Variants in VPS13C observed in about 807,000 individuals in gnomAD.
The protein encoded by VPS13C is intermembrane lipid transfer protein VPS13C.
VPS13C carries 358 observed loss-of-function variants against 456.8 expected under a neutral mutation model. The observed-to-expected ratio is 0.78, with a 90% confidence interval of 0.72 to 0.86. The LOEUF (loss-of-function observed/expected upper bound fraction) is 0.86. VPS13C is among the 40% of genes least tolerant of loss of function. VPS13C has a pLI of 0.00. For synonymous variants in VPS13C, 1,578 were observed against 1,486.7 expected (o/e 1.06, Z -1.41); for missense variants, 4,818 against 4,385.4 (o/e 1.10, Z -2.79).
chr15:61,945,980 A>G, intron 44 of VPS13C, 98 bp from the exon 45 acceptor site: 3 of 1,053,522 alleles, frequency 2.8e-6, no homozygotes, highest in Non-Finnish European at 3.9e-6. Flanking sequence ...ATCCTTGATA[A>G]GTAGAAATAT....
intron 20 of VPS13C, 66 bp downstream of exon 20, chr15:61,983,754 T>G (rs1375859761): frequency 1.3e-6 from 2 of 1,487,902 alleles, no homozygotes; most frequent in African/African-American, 1.4e-5. Context: ...AGAGGAGAAA[T>G]AAGAAAACAG....
At chr15:61,933,456 T>TA (rs1362366055) in intron 49 of VPS13C, among the ~76,000 whole-genome samples, 1 of 152,162 alleles carries the variant, frequency 6.6e-6, no homozygotes, top group Non-Finnish European at 1.5e-5. Flanking sequence ...CATTAACAGA[T>TA]ATAATACCCA....
intron 3 of VPS13C, among the ~76,000 whole-genome samples, 180 bp downstream of exon 3, chr15:62,041,144 A>T (rs2048228247): frequency 6.6e-6 from 1 of 152,188 alleles, no homozygotes; most frequent in African/African-American, 2.4e-5. Context: ...TCATAAAAAA[A>T]AGAAGTATGT....
chr15:61,856,650 A>C (rs1893922433), intron 82 of VPS13C: 1 of 317,298 alleles, frequency 3.2e-6, no homozygotes, highest in Non-Finnish European at 5.7e-6. Context: ...ATCTTGCAGA[A>C]TTCAGAAAAG....
rs1203497881 is a variant in VPS13C at position 61,922,663 on chromosome 15, T to G, written c.6709A>C (p.Asn2237His). ...GSKDTSKEMENLWGIKSINDY... is the reference protein window; with the variant it reads ...GSKDTSKEMEHLWGIKSINDY... ...TTAATCGATTTGATACCCCAAAGAT[T>G]TTCCATTTCCTTAGACGTATCTTTG... is the stretch of plus-strand genomic sequence containing the variant. The change falls in exon 54 of 85, where the codon AAT (asparagine) becomes CAT (histidine). Residue 2237 changes from asparagine (N) to histidine (H), a missense_variant. By Grantham distance (68) the Asn-to-His change is moderately conservative (BLOSUM62 1). Around this residue, in one of 3 missense-constraint regions of VPS13C, gnomAD observed 4,552 missense variants for 4,130.6 expected, o/e 1.10. Transcript: ENST00000644861. 1 of 1,614,062 alleles carries G rather than the reference T, an allele frequency of 6.2e-7. No homozygotes were observed. Among genetic ancestry groups the G allele is most frequent in the East Asian group, 2.2e-5 (1 of 44,870 alleles).
At position 62,060,433 on chromosome 15, in the gene VPS13C, T is replaced by G. The variant is rs1388771624; in HGVS notation, c.-59A>C. ...GGAACCGCCCGGCGCAGCTGAGGGC[T>G]GCGACCAGCGCTGCAAATGACAGCC... On this transcript the variant is annotated 5_prime_UTR_variant, in exon 1 of 85. Transcript: ENST00000644861. The G allele has an allele frequency of 2.8e-4, 251 of 886,940 alleles. No homozygotes were observed. Among genetic ancestry groups the G allele is most frequent in the Non-Finnish European group, 4.4e-5 (25 of 569,224 alleles). 54.9% of individuals were successfully genotyped at this position (886,940 alleles called of 1,614,324 possible).
intron 1 of VPS13C, among the ~76,000 whole-genome samples, chr15:62,047,856 G>C (rs969842075): frequency 6.6e-6 from 1 of 152,112 alleles, no homozygotes; most frequent in African/African-American, 2.4e-5. Context: ...GATTAAACCA[G>C]ATCTCCCCTA....
At chr15:61,944,155 C>T (rs896916174) in intron 45 of VPS13C, among the ~76,000 whole-genome samples, 1 of 152,074 alleles carries the variant, frequency 6.6e-6, no homozygotes, top group Non-Finnish European at 1.5e-5. Context: ...GCTAGGGAGA[C>T]TGCAGAGAGA....
At chr15:62,007,080 A>G (rs2046876130) in intron 15 of VPS13C, among the ~76,000 whole-genome samples, 1 of 152,132 alleles carries the variant, frequency 6.6e-6, no homozygotes, top group Non-Finnish European at 1.5e-5. Flanking sequence ...CTTTCCCCAA[A>G]TTGTTTACAG....
At chr15:61,991,938 T>C (rs562906149) in intron 16 of VPS13C, 136 bp from the exon 17 acceptor site, 187 of 949,630 alleles carry the variant, frequency 2.0e-4, no homozygotes, top group Non-Finnish European at 2.4e-4. Flanking sequence ...AGATCTTAAA[T>C]GATGCTCACA....
chr15:61,889,874 AAC>A (rs10689074), intron 67 of VPS13C, among the ~76,000 whole-genome samples: 18 of 150,642 alleles, frequency 1.2e-4, no homozygotes, highest in Admixed American at 2.0e-4. Context: ...TAACTCATTA[AAC>A]ACACACACAC....
intron 49 of VPS13C, 28 bp from the exon 50 acceptor site, chr15:61,931,287 T>C: frequency 6.3e-7 from 1 of 1,584,684 alleles, no homozygotes; most frequent in Non-Finnish European, 8.6e-7. Flanking sequence ...AGCAAAAGAA[T>C]CAATTACCTT....
chr15:61,953,553 A>C (rs1254479697), intron 38 of VPS13C, among the ~76,000 whole-genome samples: 1 of 151,860 alleles, frequency 6.6e-6, no homozygotes, highest in East Asian at 1.9e-4. Context: ...CCATGTCCCT[A>C]AAAAGGACAT....
At chr15:62,058,050 G>C (rs78836795) in intron 1 of VPS13C, among the ~76,000 whole-genome samples, 1 of 152,140 alleles carries the variant, frequency 6.6e-6, no homozygotes, top group Non-Finnish European at 1.5e-5. Context: ...TTACATGAAA[G>C]TATTATATCA....
chr15:62,039,486 T>G (rs1176103105), intron 3 of VPS13C, among the ~76,000 whole-genome samples: 2 of 151,102 alleles, frequency 1.3e-5, no homozygotes, highest in Non-Finnish European at 3.0e-5. Flanking sequence ...AACCAGAATA[T>G]ATAAGGAACT....
intron 9 of VPS13C, 73 bp downstream of exon 9, chr15:62,020,406 A>T: frequency 7.5e-7 from 1 of 1,324,830 alleles, no homozygotes; most frequent in Non-Finnish European, 1.0e-6. Flanking sequence ...AGTTGATTCT[A>T]GACAATTTAC....
chr15:62,043,923 A>G (rs2048320201), intron 2 of VPS13C, among the ~76,000 whole-genome samples: 2 of 152,194 alleles, frequency 1.3e-5, no homozygotes, highest in South Asian at 4.1e-4. Flanking sequence ...ACGTAAAGAC[A>G]CTAGTGAAGG....
chr15:62,021,660 C>A (rs1482849577), intron 8 of VPS13C, among the ~76,000 whole-genome samples: 1 of 151,814 alleles, frequency 6.6e-6, no homozygotes, highest in Non-Finnish European at 1.5e-5. Flanking sequence ...ATACAATTTT[C>A]TAAATGGAAA....
At position 62,041,354 on chromosome 15, in the gene VPS13C, C is replaced by T. The variant is rs893617553; in HGVS notation, c.157G>A (p.Val53Ile). The T allele has an allele frequency of 6.2e-7, 1 of 1,605,728 alleles. No individual in the cohort carries two copies. Among genetic ancestry groups the T allele is most frequent in the Non-Finnish European group, 8.5e-7 (1 of 1,178,002 alleles). The stretch of plus-strand genomic sequence containing the variant: ...TGGCCAGCCTTGACTTTAAAAGGAA[C>T]ATCCAATTCACTCTTCAGAAGAAAG... The part of the protein sequence containing the change: ...IKENALSELD[V>I]PFKVKAGQID... The change falls in exon 3 of 85, where the codon GTT (valine) becomes ATT (isoleucine). Residue 53 changes from valine (V) to isoleucine (I), a missense_variant. Physicochemically the swap from Val to Ile is conservative, Grantham distance 29. Coordinates refer to ENST00000644861, the MANE Select transcript of VPS13C (RefSeq NM_020821.3).
Sources: gnomAD v4.1 joint callset for allele counts (sites outside exome capture counted in the v4.1 genomes callset) on GRCh38, gnomAD v4.1.1 for gene constraint, gnomAD v4.1.1 regional missense constraint, MANE v1.5 for transcripts, NCBI Gene and HGNC (gene_info 2026-07-23, HGNC 2026-07-21) for gene names.